The following ATIC variants were observed in gnomAD, a reference collection of about 807,000 sequenced individuals.
ATIC encodes the protein 5-aminoimidazole-4-carboxamide ribonucleotide formyltransferase/IMP cyclohydrolase.
ATIC carries 64 observed loss-of-function variants against 72.5 expected under a neutral mutation model. The ratio of observed to expected loss-of-function variants is 0.88; its 90% CI spans 0.72 to 1.09. The LOEUF is 1.09. ATIC is among the 50% of genes least tolerant of loss of function. ATIC has a pLI of 0.00. For missense variants in ATIC, 787 were observed against 732.4 expected, an observed-to-expected ratio of 1.07 and a Z score of -0.86; for synonymous variants, 281 against 267.1, an observed-to-expected ratio of 1.05 and a Z score of -0.51.
chr2:215,365,090 G>A, the ATIC span: 15 of 751,112 alleles, frequency 2.0e-5, no homozygotes, highest in East Asian at 1.1e-4. Flanking sequence ...TCATCACAGC[G>A]CAAACACCAC....
At chr2:215,367,682 AG>A in the ATIC span, 1 of 666,668 alleles carries the variant, frequency 1.5e-6, no homozygotes, top group African/African-American at 1.8e-5. Flanking sequence ...ATGTCCAACA[AG>A]TAAAATTTCC....
intron 3 of ATIC, among the ~76,000 whole-genome samples, chr2:215,319,373 C>T (rs2052743333): frequency 6.6e-6 from 1 of 151,952 alleles, no homozygotes; most frequent in African/African-American, 2.4e-5. Flanking sequence ...CACCCCCCTT[C>T]TCTTTAAAAA....
At chr2:215,362,571 G>A in the ATIC span, 765 of 166,966 alleles carry the variant, frequency 4.6e-3, 11 homozygotes, top group African/African-American at 0.018. Context: ...TGGGCCTGCC[G>A]CCCAGGAGGT....
downstream of ATIC, among the ~76,000 whole-genome samples, chr2:215,351,420 C>A (rs904510228): frequency 6.6e-6 from 1 of 152,116 alleles, no homozygotes; most frequent in Non-Finnish European, 1.5e-5. Flanking sequence ...TGTGTGTTGT[C>A]TTTTTCATGG....
At chr2:215,325,194 CAT>C (rs770491729) in intron 4 of ATIC, 45 bp from the exon 5 acceptor site, 412 of 1,455,098 alleles carry the variant, frequency 2.8e-4, no homozygotes, top group Admixed American at 8.0e-4. Flanking sequence ...CTGTAAACCA[CAT>C]GAGTGGACTT....
At chr2:215,316,193 G>A (rs1313770791) in intron 2 of ATIC, among the ~76,000 whole-genome samples, 1 of 152,110 alleles carries the variant, frequency 6.6e-6, no homozygotes, top group Non-Finnish European at 1.5e-5. Context: ...TACCCCAAAT[G>A]TTTAATTCTA....
At chr2:215,325,921 T>C (rs1575116785) in intron 5 of ATIC, 66 bp from the exon 6 acceptor site, 10 of 1,570,974 alleles carry the variant, frequency 6.4e-6, no homozygotes, top group Non-Finnish European at 7.0e-6. Flanking sequence ...ACAATGACTT[T>C]ATTTAAAAGC....
chr2:215,364,191 C>T, the ATIC span, among the ~76,000 whole-genome samples: 1 of 152,364 alleles, frequency 6.6e-6, no homozygotes, highest in South Asian at 2.1e-4. Context: ...CAAGCCATTT[C>T]TCATTTCCTC....
chr2:215,350,856 C>T (rs538335416), downstream of ATIC, among the ~76,000 whole-genome samples: 36 of 152,224 alleles, frequency 2.4e-4, no homozygotes, highest in Admixed American at 2.1e-3. Flanking sequence ...TCACCTTTAC[C>T]AATGAGTCCT....
At chr2:215,322,938 GTTTGTTTTGT>G (rs748658435) in intron 4 of ATIC, among the ~76,000 whole-genome samples, 1 of 151,806 alleles carries the variant, frequency 6.6e-6, no homozygotes, top group Non-Finnish European at 1.5e-5. Context: ...TTGTTTGTTT[GTTTGTTTTGT>G]TTTGTTTTGT....
At chr2:215,339,767 T>G (rs2052998649) in intron 12 of ATIC, among the ~76,000 whole-genome samples, 1 of 148,560 alleles carries the variant, frequency 6.7e-6, no homozygotes, top group Non-Finnish European at 1.5e-5. Context: ...CCCAAGTAGC[T>G]GGGACTACAG....
intron 2 of ATIC, among the ~76,000 whole-genome samples, chr2:215,314,497 A>G (rs201394518): frequency 5.7e-4 from 84 of 146,388 alleles, no homozygotes; most frequent in Admixed American, 1.2e-3. Flanking sequence ...AGAGGCCAAG[A>G]TTTTTTTTTT....
the ATIC span, among the ~76,000 whole-genome samples, chr2:215,365,152 T>C: frequency 1.3e-5 from 2 of 152,094 alleles, no homozygotes; most frequent in Non-Finnish European, 2.9e-5. Context: ...GATCTTAGGG[T>C]GGCACTTCCA....
Position 215,327,976 on chromosome 2 carries a change from C to G in ATIC, c.688+998C>G, listed in dbSNP as rs184960215. Among the ~76,000 whole-genome samples, 3 of 151,530 alleles carry G rather than the reference C, an allele frequency of 2.0e-5. No individual in the cohort carries two copies. In the East Asian group the frequency reaches 5.8e-4, roughly 30 times the overall value. On this transcript the variant is annotated intron_variant, in intron 7 of 15. Transcript: ENST00000236959. Reference sequence around the variant, plus strand: ...GCAGTGGCGCAATCTCTGGTTCAAGCGATTCTCCTGCCTCAGCCTCCTGAG... The same window carrying G: ...GCAGTGGCGCAATCTCTGGTTCAAGGGATTCTCCTGCCTCAGCCTCCTGAG...
In ATIC at chr2:215,327,090, C is replaced by T. The variant is rs1271092574; in HGVS notation, c.688+112C>T. On this transcript the variant is annotated intron_variant, in intron 7 of 15. Coordinates refer to ENST00000236959, the MANE Select transcript of ATIC (RefSeq NM_004044.7). ...GAAGATGATACATTCCGTAATGCCT[C>T]CTGTAGCCATCTGATAACCATCTGG... 15 of 1,520,618 alleles carry T rather than the reference C, an allele frequency of 9.9e-6. 1 individual carries two copies. Among genetic ancestry groups the T allele is most frequent in the African/African-American group, 2.7e-5 (2 of 72,882 alleles). The allele number at this position is 1,520,618 out of a possible 1,614,324, so 94.2% of individuals were successfully genotyped here. A position where few individuals can be genotyped will look rare whatever the true frequency, so the allele number is the denominator to read the frequency against.
chr2:215,324,057 C>T (rs190148222), intron 4 of ATIC, among the ~76,000 whole-genome samples: 37 of 151,886 alleles, frequency 2.4e-4, no homozygotes, highest in African/African-American at 8.0e-4. Flanking sequence ...CCACCTTGCC[C>T]GGCTAATTTT....
intron 2 of ATIC, among the ~76,000 whole-genome samples, chr2:215,313,293 A>T (rs146432939): frequency 0.014 from 2,164 of 152,350 alleles, 36 homozygotes; most frequent in African/African-American, 0.048. Context: ...AAAACTCGAC[A>T]TCATGAAGAT....
chr2:215,346,247 C>T (rs1429052007), intron 13 of ATIC, among the ~76,000 whole-genome samples: 6 of 152,098 alleles, frequency 3.9e-5, no homozygotes, highest in East Asian at 1.9e-4. Flanking sequence ...TTGTAGCCTT[C>T]GACTCCTGGC....
chr2:215,336,940 T>A (rs1219365468), intron 11 of ATIC, among the ~76,000 whole-genome samples: 1 of 152,238 alleles, frequency 6.6e-6, no homozygotes, highest in Non-Finnish European at 1.5e-5. Flanking sequence ...TTTTAAAAAG[T>A]CTCTGCAGTT....
Sources: gnomAD v4.1 joint callset for allele counts (sites outside exome capture counted in the v4.1 genomes callset) on GRCh38, gnomAD v4.1.1 for gene constraint, MANE v1.5 for transcripts, NCBI Gene and HGNC (gene_info 2026-07-23, HGNC 2026-07-21) for gene names.